Variants in CNTN6 observed in about 807,000 individuals in gnomAD.
CNTN6 encodes contactin-6.
A neutral mutation model predicts 122.8 loss-of-function variants in CNTN6; 137 were observed. The ratio of observed to expected loss-of-function variants is 1.12; its 90% confidence interval spans 0.97 to 1.29. The LOEUF (loss-of-function observed/expected upper bound fraction) is 1.29. Among genes scored for constraint, CNTN6 ranks in the 50% most tolerant of loss-of-function variants. The probability of loss-of-function intolerance (pLI) is 0.00; values close to 1 mark genes in which losing one functional copy is unlikely to be tolerated. For missense variants in CNTN6, 1,634 were observed against 1,223.4 expected (o/e 1.34, Z -5.01); for synonymous variants, 570 against 426.0 (o/e 1.34, Z -4.16).
intron 1 of CNTN6, among the ~76,000 whole-genome samples, chr3:1,142,968 G>GTGTATATATATATATATA (rs1217250181): frequency 7.8e-6 from 1 of 128,652 alleles, no homozygotes; most frequent in African/African-American, 3.1e-5. Context: ...GTGTGTGTGT[G>GTGTATATATATATATATA]TATATATATA....
chr3:1,201,230 C>T (rs1316986579), intron 2 of CNTN6, among the ~76,000 whole-genome samples: 2 of 151,976 alleles, frequency 1.3e-5, no homozygotes, highest in African/African-American at 2.4e-5. Flanking sequence ...ACCTTGGCCT[C>T]CCAAAGTGCT....
chr3:1,170,898 C>G (rs1364944118), intron 2 of CNTN6, among the ~76,000 whole-genome samples: 1 of 152,184 alleles, frequency 6.6e-6, no homozygotes, highest in African/African-American at 2.4e-5. Context: ...AGCCACAATA[C>G]CCACTCCATA....
intron 12 of CNTN6, among the ~76,000 whole-genome samples, chr3:1,366,738 T>C (rs1708285898): frequency 6.6e-6 from 1 of 152,146 alleles, no homozygotes; most frequent in Middle Eastern, 3.2e-3. Context: ...CTCATGGCTA[T>C]TAGACAGCCA....
intron 1 of CNTN6, among the ~76,000 whole-genome samples, chr3:1,095,083 A>G (rs1319871412): frequency 6.6e-6 from 1 of 152,000 alleles, no homozygotes; most frequent in Non-Finnish European, 1.5e-5. Context: ...TTCTTACTAT[A>G]CACCTTTTAA....
intron 12 of CNTN6, among the ~76,000 whole-genome samples, 183 bp downstream of exon 12, chr3:1,352,634 G>A (rs979554836): frequency 6.6e-6 from 1 of 151,746 alleles, no homozygotes; most frequent in African/African-American, 2.4e-5. Context: ...GGGATACCAT[G>A]GTAGATGTGA....
chr3:1,274,355 T>C (rs1691927530), intron 4 of CNTN6, among the ~76,000 whole-genome samples: 1 of 152,178 alleles, frequency 6.6e-6, no homozygotes, highest in Admixed American at 6.5e-5. Context: ...TGTAAATTCC[T>C]GTATGAGAAA....
At chr3:1,121,837 C>A (rs934729877) in intron 1 of CNTN6, among the ~76,000 whole-genome samples, 1 of 151,948 alleles carries the variant, frequency 6.6e-6, no homozygotes, top group Non-Finnish European at 1.5e-5. Flanking sequence ...TGACTCCAAA[C>A]ATGAGAAAAC....
intron 3 of CNTN6, among the ~76,000 whole-genome samples, chr3:1,225,501 C>A (rs947674136): frequency 1.3e-5 from 2 of 152,040 alleles, no homozygotes; most frequent in African/African-American, 4.8e-5. Context: ...ATGATGACAG[C>A]GGTTATTTCA....
intron 7 of CNTN6, among the ~76,000 whole-genome samples, chr3:1,318,348 T>A (rs1700402707): frequency 6.6e-6 from 1 of 151,714 alleles, no homozygotes; most frequent in Non-Finnish European, 1.5e-5. Flanking sequence ...GCCATTCATG[T>A]TCAATTCTCT....
At chr3:1,306,033 A>G (rs1226813301) in intron 7 of CNTN6, among the ~76,000 whole-genome samples, 2 of 152,204 alleles carry the variant, frequency 1.3e-5, no homozygotes, top group Admixed American at 1.3e-4. Flanking sequence ...ACATTTTTAA[A>G]TCAAGCTAGG....
intron 8 of CNTN6, among the ~76,000 whole-genome samples, chr3:1,324,693 C>T (rs1701292031): frequency 1.3e-5 from 2 of 149,686 alleles, no homozygotes; most frequent in East Asian, 2.0e-4. Context: ...ATAACTCAGC[C>T]TTGCATTGAC....
intron 12 of CNTN6, among the ~76,000 whole-genome samples, chr3:1,368,033 G>A (rs569162056): frequency 1.3e-5 from 2 of 152,264 alleles, no homozygotes; most frequent in East Asian, 3.9e-4. Flanking sequence ...CAAAAGGAAG[G>A]CATACACATG....
intron 2 of CNTN6, among the ~76,000 whole-genome samples, chr3:1,153,318 A>T (rs1018893237): frequency 2.0e-5 from 3 of 152,208 alleles, no homozygotes; most frequent in African/African-American, 7.2e-5. Flanking sequence ...TGTTATGCCA[A>T]CAGGGCCTAA....
chr3:1,295,171 GT>G (rs1695993649), intron 5 of CNTN6, among the ~76,000 whole-genome samples: 1 of 152,164 alleles, frequency 6.6e-6, no homozygotes, highest in Admixed American at 6.5e-5. Context: ...AAATTTTTAA[GT>G]TAAATTTTTA....
At chr3:1,335,504 C>A (rs1368872277) in intron 11 of CNTN6, among the ~76,000 whole-genome samples, 1 of 152,088 alleles carries the variant, frequency 6.6e-6, no homozygotes, top group Non-Finnish European at 1.5e-5. Context: ...CTAGATTTGT[C>A]CCCTTATGCC....
chr3:1,288,372 C>G (rs1038111600), intron 5 of CNTN6, among the ~76,000 whole-genome samples: 1 of 152,150 alleles, frequency 6.6e-6, no homozygotes, highest in African/African-American at 2.4e-5. Context: ...CGTAAACTTC[C>G]TCAGCCTAAT....
In CNTN6 at chr3:1,280,226, T is replaced by A. The variant is rs73004618; in HGVS notation, c.454+1718T>A. ...TGAATCAGTTCCATATGTAAAAAAA[T>A]TTAAAAAATTAAAAGGCAGCCAGAC... On this transcript the variant is annotated intron_variant, in intron 5 of 22. Coordinates refer to ENST00000446702, the MANE Select transcript of CNTN6 (RefSeq NM_001289080.2). Among the ~76,000 whole-genome samples the A allele has an allele frequency of 3.9e-3, 588 of 152,214 alleles. 1 individual carries two copies. Among genetic ancestry groups the A allele is most frequent in the Non-Finnish European group, 6.2e-3 (421 of 68,002 alleles).
intron 1 of CNTN6, among the ~76,000 whole-genome samples, chr3:1,134,490 C>T (rs946608832): frequency 1.3e-5 from 2 of 152,076 alleles, no homozygotes; most frequent in South Asian, 2.1e-4. Flanking sequence ...ACATAATCCC[C>T]TCCACACTGC....
chr3:1,397,327 T>C (rs1333472816), intron 20 of CNTN6, among the ~76,000 whole-genome samples: 1 of 152,166 alleles, frequency 6.6e-6, no homozygotes, highest in Non-Finnish European at 1.5e-5. Flanking sequence ...GGATAGGCTA[T>C]GTATTTTGAT....
Sources: allele counts gnomAD v4.1 joint callset (sites outside exome capture counted in the v4.1 genomes callset), GRCh38; gene constraint gnomAD v4.1.1; transcripts MANE v1.5; gene names NCBI Gene and HGNC (gene_info 2026-07-23, HGNC 2026-07-21).